Variants in MNDA observed in about 807,000 individuals in gnomAD.
The protein encoded by MNDA is myeloid cell nuclear differentiation antigen, also known as epididymis secretory sperm binding protein.
Under a neutral mutation model 37.8 loss-of-function variants are expected in MNDA, and 43 were observed. That is an observed-to-expected ratio of 1.14 (90% CI 0.89 to 1.47). MNDA has a LOEUF of 1.47. Among genes scored for constraint, MNDA ranks in the 40% most tolerant of loss-of-function variants. The probability of loss-of-function intolerance (pLI) is 0.00; values close to 1 mark genes in which losing one functional copy is unlikely to be tolerated. For missense variants in MNDA, 536 were observed against 476.0 expected, an observed-to-expected ratio of 1.13 and a Z score of -1.17; for synonymous variants, 181 against 169.0, an observed-to-expected ratio of 1.07 and a Z score of -0.55.
Position 158,840,580 on chromosome 1 carries a change from G to A in MNDA, c.-20-1554G>A, listed in dbSNP as rs139543147. On this transcript the variant is annotated intron_variant, in intron 1 of 6. Coordinates refer to ENST00000368141, the MANE Select transcript of MNDA (RefSeq NM_002432.3). ...GATGATTTTGCTACCACACTTCCCT[G>A]CTAACTCTCATCCCTTCCCAAGCCC... Among the ~76,000 whole-genome samples, 280 of 152,158 alleles carry A rather than the reference G, an allele frequency of 1.8e-3. 1 individual carries two copies. The highest frequency in any genetic ancestry group is 6.4e-3 in the African/African-American group (265 of 41,516).
At position 158,847,779 on chromosome 1, in the gene MNDA, T is replaced by C. The variant is rs1431587265; in HGVS notation, c.1039T>C (p.Ser347Pro). ...TTATGAAATACAGGATAATACAGGATCCATGGATGTAGTGGGGAGTGGAAA... is the reference window on the plus strand; with the variant it reads ...TTATGAAATACAGGATAATACAGGACCCATGGATGTAGTGGGGAGTGGAAA... The part of the protein sequence containing the change: ...TIYEIQDNTG[S>P]MDVVGSGKWH... Residue 347 changes from serine to proline, a missense_variant, in exon 6 of 7, where the codon TCC becomes CCC. Coordinates refer to ENST00000368141, the MANE Select transcript of MNDA (RefSeq NM_002432.3). The C allele has an allele frequency of 6.2e-7, 1 of 1,613,992 alleles. No homozygotes were observed. The highest frequency in any genetic ancestry group is 8.5e-7 in the Non-Finnish European group (1 of 1,179,878).
chr1:158,846,628 A>T (rs1659139676), intron 5 of MNDA, among the ~76,000 whole-genome samples: 1 of 152,204 alleles, frequency 6.6e-6, no homozygotes, highest in East Asian at 1.9e-4. Context: ...TTTACAAAAA[A>T]AAAATAATTC....
chr1:158,838,638 G>T (rs1316793300), intron 1 of MNDA, among the ~76,000 whole-genome samples: 2 of 151,974 alleles, frequency 1.3e-5, no homozygotes, highest in Non-Finnish European at 2.9e-5. Context: ...CTCAAATTTG[G>T]AAAGTTTTCA....
intron 1 of MNDA, among the ~76,000 whole-genome samples, chr1:158,839,037 T>A (rs1199475663): frequency 6.6e-6 from 1 of 152,192 alleles, no homozygotes; most frequent in Non-Finnish European, 1.5e-5. Flanking sequence ...TATTTAAGAG[T>A]GCTGTTTTAG....
At chr1:158,837,632 C>G (rs1658945811) in intron 1 of MNDA, among the ~76,000 whole-genome samples, 1 of 151,520 alleles carries the variant, frequency 6.6e-6, no homozygotes, top group Non-Finnish European at 1.5e-5. Flanking sequence ...ATACTTGGAT[C>G]CCCTGTTTTT....
In MNDA at chr1:158,845,935, C is replaced by G. The variant is rs779512356; in HGVS notation, c.919C>G (p.Pro307Ala). ...NRIIEIANKT[P>A]KISQLYKQAS... ...AATTATCGAAATAGCAAATAAAACT[C>G]CCAAGATCAGTCAACTTTACAAGCA... Residue 307 changes from proline (P) to alanine (A), a missense_variant, in exon 5 of 7, where the codon CCC becomes GCC. Transcript: ENST00000368141. The G allele has an allele frequency of 1.1e-5, 18 of 1,614,120 alleles. No homozygotes were observed. In the South Asian group the frequency reaches 2.0e-4, roughly 18 times the overall value.
chr1:158,835,677 C>A (rs888046816), intron 1 of MNDA, among the ~76,000 whole-genome samples: 1 of 150,332 alleles, frequency 6.7e-6, no homozygotes, highest in African/African-American at 2.4e-5. Context: ...ACAAAAAAAT[C>A]ATCCTTGTCT....
chr1:158,842,473 A>G, intron 2 of MNDA, 55 bp downstream of exon 2: 1 of 1,538,882 alleles, frequency 6.5e-7, no homozygotes, highest in Non-Finnish European at 8.8e-7. Flanking sequence ...CCCAGTCTTC[A>G]GTAGAACCCC....
At chr1:158,839,102 T>A (rs925799925) in intron 1 of MNDA, among the ~76,000 whole-genome samples, 1 of 152,152 alleles carries the variant, frequency 6.6e-6, no homozygotes, top group Admixed American at 6.6e-5. Flanking sequence ...TTGTGGAGAT[T>A]CATTTTTTTC....
chr1:158,832,153 A>G (rs1345327467), intron 1 of MNDA, among the ~76,000 whole-genome samples: 2 of 152,228 alleles, frequency 1.3e-5, no homozygotes, highest in East Asian at 1.9e-4. Context: ...TCAGTCATAG[A>G]TAACATTTTT....
rs1658849403 is a variant in MNDA, at chr1:158,833,596, G to A, written c.-21+2039G>A. 2.6e-5 allele frequency among the ~76,000 whole-genome samples: 4 copies of A among 152,044 alleles called. No individual in the cohort carries two copies. The South Asian group carries it at 8.3e-4, about 32-fold the overall frequency. Reference sequence around the variant, plus strand: ...CATACAGTAAGCGTGTGCTTTTTGTGACTGGCTTTTTTCATTTCATGTTCT... The same window carrying A: ...CATACAGTAAGCGTGTGCTTTTTGTAACTGGCTTTTTTCATTTCATGTTCT... On this transcript the variant is annotated intron_variant, in intron 1 of 6. Transcript: ENST00000368141.
At chr1:158,845,503 G>A in intron 4 of MNDA, 84 bp from the exon 5 acceptor site, 7 of 1,396,430 alleles carry the variant, frequency 5.0e-6, no homozygotes, top group East Asian at 4.7e-5. Flanking sequence ...GCTTCCCAAA[G>A]TGCTAGGATT....
chr1:158,835,045 A>G (rs1658880133), intron 1 of MNDA, among the ~76,000 whole-genome samples: 1 of 152,232 alleles, frequency 6.6e-6, no homozygotes, highest in African/African-American at 2.4e-5. Context: ...GAAAGCAGGA[A>G]GTCTGAAACC....
At chr1:158,842,484 A>G (rs1659048880) in intron 2 of MNDA, 66 bp downstream of exon 2, 44 of 1,512,442 alleles carry the variant, frequency 2.9e-5, no homozygotes, top group Non-Finnish European at 3.9e-5. Flanking sequence ...GTAGAACCCC[A>G]CCTTGGTCAT....
Position 158,842,318 on chromosome 1 carries a change from G to C in MNDA, c.165G>C (p.Lys55Asn), listed in dbSNP as rs1444498594. The change falls in exon 2 of 7, where the codon AAG (lysine) becomes AAC (asparagine). Residue 55 changes from lysine (K) to asparagine (N), a missense_variant. Lys to Asn is a moderately conservative substitution (Grantham distance 94). Coordinates refer to ENST00000368141, the MANE Select transcript of MNDA (RefSeq NM_002432.3). The stretch of plus-strand genomic sequence containing the variant: ...AGATTACAGATTTGATGGAAAAAAA[G>C]TTCCAAGGCGTTGCCTGTCTAGACA... The part of the protein sequence containing the change: ...RIKITDLMEK[K>N]FQGVACLDKL... The C allele has an allele frequency of 6.8e-6, 11 of 1,614,154 alleles. No homozygotes were observed. Among genetic ancestry groups the C allele is most frequent in the Non-Finnish European group, 9.3e-6 (11 of 1,180,002 alleles).
chr1:158,843,404 C>A lies in MNDA; in HGVS notation c.391C>A (p.Pro131Thr), dbSNP rs752324581. The change falls in exon 3 of 7, where the codon CCT (proline) becomes ACT (threonine). Residue 131 changes from proline to threonine, a missense_variant. Transcript: ENST00000368141. ...KLTSEARGRI[P>T]VAQKRKTPNK... Reference sequence around the variant, plus strand: ...GACATCGGAAGCAAGAGGGAGGATTCCTGTAGCTCAGGTAAGCTTGAGAAA... The same window carrying A: ...GACATCGGAAGCAAGAGGGAGGATTACTGTAGCTCAGGTAAGCTTGAGAAA... The A allele has an allele frequency of 2.6e-5, 42 of 1,607,980 alleles. No individual in the cohort carries two copies. Among genetic ancestry groups the A allele is most frequent in the Non-Finnish European group, 3.6e-5 (42 of 1,177,374 alleles).
chr1:158,845,842 G>T lies in MNDA; in HGVS notation c.826G>T (p.Gly276Ter). 1 of 1,614,128 alleles carries T rather than the reference G, an allele frequency of 6.2e-7. No individual in the cohort carries two copies. Among genetic ancestry groups the T allele is most frequent in the South Asian group, 1.1e-5 (1 of 91,082 alleles). Residue 276 changes from glycine (G) to a stop codon, truncating the protein, a stop_gained, in exon 5 of 7, where the codon GGA (glycine) becomes TGA (stop). Coordinates refer to ENST00000368141, the MANE Select transcript of MNDA (RefSeq NM_002432.3). LOFTEE classifies it high-confidence loss of function. Reference sequence around the variant, plus strand: ...CATATCTGATTACTCTGAATGTAAAGGAGTAATGGAAATAAAGGAAGCATC... The same window carrying T: ...CATATCTGATTACTCTGAATGTAAATGAGTAATGGAAATAAAGGAAGCATC... ...ITISDYSECKGVMEIKEASSV... is the reference protein window; with the variant it reads ...ITISDYSECK
chr1:158,831,736 A>G (rs538836578), intron 1 of MNDA, among the ~76,000 whole-genome samples, 179 bp downstream of exon 1: 1 of 152,304 alleles, frequency 6.6e-6, no homozygotes, highest in East Asian at 1.9e-4. Context: ...TTCTACCACA[A>G]TTGGGGTATG....
chr1:158,836,455 A>C (rs1658916239), intron 1 of MNDA, among the ~76,000 whole-genome samples: 1 of 151,922 alleles, frequency 6.6e-6, no homozygotes, highest in Non-Finnish European at 1.5e-5. Context: ...CAAAATTTGC[A>C]GGTTGTATGT....
Sources: gnomAD v4.1 joint callset for allele counts (sites outside exome capture counted in the v4.1 genomes callset) on GRCh38, gnomAD v4.1.1 for gene constraint, MANE v1.5 for transcripts, NCBI Gene and HGNC (gene_info 2026-07-23, HGNC 2026-07-21) for gene names.